GALNTL6: variants seen among roughly 807,000 people sequenced by gnomAD.
GALNTL6 encodes polypeptide N-acetylgalactosaminyltransferase-like 6.
GALNTL6 carries 46 observed loss-of-function variants against 73.7 expected under a neutral mutation model. That is an observed-to-expected ratio of 0.62 (90% CI 0.49 to 0.80). The LOEUF (loss-of-function observed/expected upper bound fraction) is 0.80. Among genes scored for constraint, GALNTL6 ranks in the 30% least tolerant of loss-of-function variants. The pLI is 0.00. For synonymous variants in GALNTL6, 259 were observed against 263.7 expected, an observed-to-expected ratio of 0.98 and a Z score of 0.17; for missense variants, 604 against 755.0, an observed-to-expected ratio of 0.80 and a Z score of 2.34.
chr4:172,101,957 C>G (rs1036672336), intron 2 of GALNTL6, among the ~76,000 whole-genome samples: 2 of 151,960 alleles, frequency 1.3e-5, no homozygotes, highest in Non-Finnish European at 2.9e-5. Context: ...AAATCCTAGT[C>G]TTGAGTTTCT....
At chr4:172,591,689 A>G (rs1045493458) in intron 5 of GALNTL6, among the ~76,000 whole-genome samples, 3 of 152,188 alleles carry the variant, frequency 2.0e-5, no homozygotes, top group East Asian at 1.9e-4. Flanking sequence ...TGTTTGGCTT[A>G]TGGGAACTGA....
intron 5 of GALNTL6, among the ~76,000 whole-genome samples, chr4:172,705,811 C>A (rs1734316791): frequency 6.6e-6 from 1 of 152,064 alleles, no homozygotes; most frequent in African/African-American, 2.4e-5. Flanking sequence ...TCTTCCTGTC[C>A]TGTAGGGTTT....
chr4:172,057,719 AAAAAAAAAAT>A (rs1466667238), intron 2 of GALNTL6, among the ~76,000 whole-genome samples: 1,251 of 60,456 alleles, frequency 0.021, 6 homozygotes, highest in East Asian at 0.069. Flanking sequence ...AAAAAAAAAA[AAAAAAAAAAT>A]ATATATATAT....
At chr4:172,739,605 A>T (rs1289213620) in intron 5 of GALNTL6, among the ~76,000 whole-genome samples, 3 of 152,210 alleles carry the variant, frequency 2.0e-5, no homozygotes, top group Non-Finnish European at 2.9e-5. Context: ...TAATGTATTT[A>T]CATCAAGTTT....
At chr4:172,753,455 A>G (rs993353340) in intron 5 of GALNTL6, among the ~76,000 whole-genome samples, 2 of 152,248 alleles carry the variant, frequency 1.3e-5, no homozygotes, top group African/African-American at 4.8e-5. Flanking sequence ...GTTATGTAAA[A>G]TTATGTGATG....
At chr4:172,053,810 C>T (rs1730945273) in intron 2 of GALNTL6, among the ~76,000 whole-genome samples, 1 of 151,936 alleles carries the variant, frequency 6.6e-6, no homozygotes, top group African/African-American at 2.4e-5. Flanking sequence ...CTTTTTTTTA[C>T]ATGAATGGGT....
At chr4:172,239,586 C>T (rs760842769) in intron 3 of GALNTL6, among the ~76,000 whole-genome samples, 2 of 151,842 alleles carry the variant, frequency 1.3e-5, no homozygotes, top group South Asian at 2.1e-4. Flanking sequence ...CAATTTCATT[C>T]GGTTCTGCTC....
At chr4:172,406,299 G>A (rs569183155) in intron 5 of GALNTL6, among the ~76,000 whole-genome samples, 25 of 152,012 alleles carry the variant, frequency 1.6e-4, no homozygotes, top group African/African-American at 5.8e-4. Context: ...TGGGACCACA[G>A]GCATGTGCCA....
chr4:172,956,254 G>A (rs983608151), intron 10 of GALNTL6, among the ~76,000 whole-genome samples: 1 of 151,948 alleles, frequency 6.6e-6, no homozygotes, highest in African/African-American at 2.4e-5. Context: ...TGTGGTAAGG[G>A]GTGATATTGT....
At chr4:173,006,343 G>T (rs934635385) in intron 10 of GALNTL6, among the ~76,000 whole-genome samples, 4 of 152,168 alleles carry the variant, frequency 2.6e-5, no homozygotes, top group African/African-American at 9.7e-5. Context: ...AGAAAGGCCT[G>T]CTCAGAGTTC....
intron 2 of GALNTL6, among the ~76,000 whole-genome samples, chr4:171,832,479 GTAGA>G (rs1478939790): frequency 7.3e-5 from 11 of 151,262 alleles, no homozygotes; most frequent in South Asian, 2.1e-4. Flanking sequence ...AGATAGGGAG[GTAGA>G]TAGATAGGTA....
chr4:172,694,806 T>C (rs1286597332), intron 5 of GALNTL6, among the ~76,000 whole-genome samples: 1 of 152,222 alleles, frequency 6.6e-6, no homozygotes, highest in Non-Finnish European at 1.5e-5. Flanking sequence ...AATATAACCA[T>C]GGGCTTATTA....
At chr4:171,927,292 C>A (rs1371806534) in intron 2 of GALNTL6, among the ~76,000 whole-genome samples, 1 of 151,798 alleles carries the variant, frequency 6.6e-6, no homozygotes, top group East Asian at 1.9e-4. Context: ...CTTTACTTTT[C>A]TTTTTTTGTT....
intron 3 of GALNTL6, among the ~76,000 whole-genome samples, chr4:172,237,386 T>G (rs1737278456): frequency 6.6e-6 from 1 of 152,184 alleles, no homozygotes; most frequent in African/African-American, 2.4e-5. Context: ...ATTTGCTTGT[T>G]GCCTATTTGA....
At chr4:171,997,381 G>A (rs1225078367) in intron 2 of GALNTL6, among the ~76,000 whole-genome samples, 1 of 151,940 alleles carries the variant, frequency 6.6e-6, no homozygotes. Context: ...GATTTACGAT[G>A]GGGTTATGTC....
chr4:172,625,793 CAT>C (rs755729553), intron 5 of GALNTL6, among the ~76,000 whole-genome samples: 41 of 151,970 alleles, frequency 2.7e-4, no homozygotes, highest in Non-Finnish European at 4.3e-4. Context: ...AGTGTTTTTT[CAT>C]ATGTTTGTTG....
intron 2 of GALNTL6, among the ~76,000 whole-genome samples, chr4:172,017,118 T>C (rs1041564673): frequency 3.3e-5 from 5 of 152,128 alleles, no homozygotes; most frequent in Non-Finnish European, 7.4e-5. Flanking sequence ...GGTGGGTAGA[T>C]GTAATACCCA....
chr4:171,895,555 C>T (rs143760981), intron 2 of GALNTL6, among the ~76,000 whole-genome samples: 50 of 152,312 alleles, frequency 3.3e-4, no homozygotes, highest in Admixed American at 8.5e-4. Context: ...AAGACTAAGA[C>T]AAGACAAAAC....
chr4:172,490,512 A>T (rs337984), intron 5 of GALNTL6, among the ~76,000 whole-genome samples: 15,729 of 152,144 alleles, frequency 0.1, 928 homozygotes, highest in East Asian at 0.23. Context: ...GTTTCTAGAC[A>T]CCTGAGAAGC....
Sources: gnomAD v4.1 joint callset for allele counts (sites outside exome capture counted in the v4.1 genomes callset) on GRCh38, gnomAD v4.1.1 for gene constraint, MANE v1.5 for transcripts, NCBI Gene and HGNC (gene_info 2026-07-23, HGNC 2026-07-21) for gene names.